HTR2B: variants seen among roughly 807,000 people sequenced by gnomAD.
HTR2B encodes the protein 5-hydroxytryptamine receptor 2B.
HTR2B carries 31 observed loss-of-function variants against 39.8 expected under a neutral mutation model. That is an observed-to-expected ratio of 0.78 (90% confidence interval 0.58 to 1.05). The LOEUF is 1.05. Ranked by LOEUF, HTR2B falls within the 50% of genes least tolerant of loss-of-function variation. The probability of loss-of-function intolerance (pLI) is 0.00; values close to 1 mark genes in which losing one functional copy is unlikely to be tolerated. For synonymous variants in HTR2B, 210 were observed against 207.1 expected (o/e 1.01, Z -0.12); for missense variants, 562 against 578.0 (o/e 0.97, Z 0.28).
In HTR2B at chr2:231,108,752, G is replaced by T; in HGVS notation, c.1211C>A (p.Ser404Ter). The change falls in exon 4 of 4, where the codon TCA becomes TAA. Residue 404 changes from serine to a stop codon, truncating the protein, a stop_gained. Transcript: ENST00000258400. LOFTEE classifies it high-confidence loss of function. The part of the protein sequence containing the change: ...YITCNYRATK[S>*]VKTLRKRSSK... ...GGAGCGTTTTCTGAGAGTTTTTACT[G>T]ACTTTGTGGCCCGGTAATTGCAGGT... 6.2e-7 allele frequency: 1 copy of T among 1,614,102 alleles called. No homozygotes were observed. The highest frequency in any genetic ancestry group is 1.1e-5 in the South Asian group (1 of 91,060).
Position 231,123,477 on chromosome 2 carries a change from C to T in HTR2B, c.288G>A (p.Leu96=). ...QYATNYFLMS[L]AVADLLVGLF... is the part of the protein sequence containing the mutation. Reference sequence around the variant, plus strand: ...ATCCAACCAGCAAATCAGCCACCGCCAAGGACATTAGAAAGTAATTAGTAG... The same window carrying T: ...ATCCAACCAGCAAATCAGCCACCGCTAAGGACATTAGAAAGTAATTAGTAG... The change falls in exon 2 of 4, where the codon TTG becomes TTA. Residue 96 remains leucine, a synonymous_variant. Coordinates refer to ENST00000258400, the MANE Select transcript of HTR2B (RefSeq NM_000867.5). 1 of 1,614,048 alleles carries T rather than the reference C, an allele frequency of 6.2e-7. No individual in the cohort carries two copies. The highest frequency in any genetic ancestry group is 8.5e-7 in the Non-Finnish European group (1 of 1,179,942).
At chr2:231,113,033 G>A (rs1331295236) in intron 3 of HTR2B, among the ~76,000 whole-genome samples, 2 of 152,018 alleles carry the variant, frequency 1.3e-5, no homozygotes, top group Non-Finnish European at 2.9e-5. Flanking sequence ...GGCATGGGGG[G>A]TGTGTCTGTA....
intron 2 of HTR2B, among the ~76,000 whole-genome samples, chr2:231,117,701 A>G (rs184817953): frequency 6.6e-6 from 1 of 152,294 alleles, no homozygotes; most frequent in African/African-American, 2.4e-5. Flanking sequence ...ACAAGGTTCA[A>G]CAACTTCATA....
At chr2:231,116,478 C>G (rs1695338508) in intron 2 of HTR2B, among the ~76,000 whole-genome samples, 1 of 151,660 alleles carries the variant, frequency 6.6e-6, no homozygotes, top group Non-Finnish European at 1.5e-5. Flanking sequence ...GTCTATTTAG[C>G]TATTCTAGTT....
intron 2 of HTR2B, 87 bp from the exon 3 acceptor site, chr2:231,114,016 CTTTT>C: frequency 9.5e-7 from 1 of 1,047,876 alleles, no homozygotes; most frequent in South Asian, 1.3e-5. Context: ...CATCTTTTGT[CTTTT>C]TTGTTACTCA....
intron 2 of HTR2B, among the ~76,000 whole-genome samples, chr2:231,114,705 C>T (rs1321175177): frequency 6.6e-6 from 1 of 152,096 alleles, no homozygotes; most frequent in East Asian, 1.9e-4. Flanking sequence ...GTCTTAAGCA[C>T]TTTAGAAATA....
At chr2:231,121,105 G>T (rs558570816) in intron 2 of HTR2B, among the ~76,000 whole-genome samples, 1 of 152,140 alleles carries the variant, frequency 6.6e-6, no homozygotes, top group African/African-American at 2.4e-5. Flanking sequence ...TTTAAATAAT[G>T]CAATAATGTA....
At chr2:231,121,136 T>C (rs1695526566) in intron 2 of HTR2B, among the ~76,000 whole-genome samples, 1 of 152,208 alleles carries the variant, frequency 6.6e-6, no homozygotes, top group Non-Finnish European at 1.5e-5. Flanking sequence ...GTTCACAGAT[T>C]TGTTCATTTT....
rs1338595396 is a variant in HTR2B, at chr2:231,123,485, T to A, written c.280A>T (p.Met94Leu). 1 of 1,614,036 alleles carries A rather than the reference T, an allele frequency of 6.2e-7. No homozygotes were observed. Among genetic ancestry groups the A allele is most frequent in the Non-Finnish European group, 8.5e-7 (1 of 1,179,916 alleles). Residue 94 changes from methionine (M) to leucine (L), a missense_variant, in exon 2 of 4, where the codon ATG becomes TTG. Coordinates refer to ENST00000258400, the MANE Select transcript of HTR2B (RefSeq NM_000867.5). ...KLQYATNYFL[M>L]SLAVADLLVG... ...AGCAAATCAGCCACCGCCAAGGACATTAGAAAGTAATTAGTAGCATACTGC... is the reference window on the plus strand; with the variant it reads ...AGCAAATCAGCCACCGCCAAGGACAATAGAAAGTAATTAGTAGCATACTGC...
At chr2:231,120,860 A>G (rs996389509) in intron 2 of HTR2B, among the ~76,000 whole-genome samples, 1 of 152,254 alleles carries the variant, frequency 6.6e-6, no homozygotes, top group African/African-American at 2.4e-5. Context: ...CTACAATAAG[A>G]GTGTAAAGTC....
chr2:231,110,362 A>ATATTTC (rs2125207375), intron 3 of HTR2B, among the ~76,000 whole-genome samples: 1 of 152,148 alleles, frequency 6.6e-6, no homozygotes, highest in Non-Finnish European at 1.5e-5. Flanking sequence ...AATATACCTC[A>ATATTTC]TGTTAGTTTT....
At chr2:231,119,811 A>T (rs1354197080) in intron 2 of HTR2B, among the ~76,000 whole-genome samples, 1 of 142,674 alleles carries the variant, frequency 7.0e-6, no homozygotes, top group African/African-American at 2.6e-5. Context: ...TGGAGGTTGC[A>T]GTGAACTGAG....
At chr2:231,109,857 A>C (rs1217222257) in intron 3 of HTR2B, among the ~76,000 whole-genome samples, 1 of 152,154 alleles carries the variant, frequency 6.6e-6, no homozygotes, top group East Asian at 1.9e-4. Context: ...TTTGTCTTTG[A>C]GGTTACAGTT....
At chr2:231,112,233 C>T (rs1261519240) in intron 3 of HTR2B, among the ~76,000 whole-genome samples, 2 of 152,154 alleles carry the variant, frequency 1.3e-5, no homozygotes, top group African/African-American at 2.4e-5. Context: ...GCATAAATGA[C>T]TTTATTATAG....
chr2:231,109,503 T>C (rs1695084246), intron 3 of HTR2B, 94 bp from the exon 4 acceptor site: 1 of 1,078,276 alleles, frequency 9.3e-7, no homozygotes, highest in Non-Finnish European at 1.4e-6. Flanking sequence ...AACTTTATGC[T>C]TGTTGGTGCA....
intron 3 of HTR2B, among the ~76,000 whole-genome samples, chr2:231,109,622 G>A (rs965812286): frequency 1.3e-5 from 2 of 152,312 alleles, no homozygotes; most frequent in Admixed American, 1.3e-4. Context: ...AGATTGGTTA[G>A]TAATTTCAGA....
Position 231,109,359 on chromosome 2 carries a change from GGTT to G in HTR2B, c.601_603del (p.Asn201del), listed in dbSNP as rs749969953. 18 of 1,614,062 alleles carry G rather than the reference GGTT, an allele frequency of 1.1e-5. No individual in the cohort carries two copies. In the South Asian group the frequency reaches 1.2e-4, roughly 11 times the overall value. On this transcript the variant is annotated inframe_deletion, in exon 4 of 4. Transcript: ENST00000258400. The stretch of plus-strand genomic sequence containing the variant: ...GTCAGCACACAAGTGATATTGTTTG[GGTT>G]GTCCACATCAGTCTCTATCCCTTTA...
At position 231,123,690 on chromosome 2, in the gene HTR2B, G is replaced by A. The variant is rs752517264; in HGVS notation, c.75C>T (p.His25=). The change falls in exon 2 of 4, where the codon CAC becomes CAT. Residue 25 remains histidine (H), a synonymous_variant. Coordinates refer to ENST00000258400, the MANE Select transcript of HTR2B (RefSeq NM_000867.5). ...PEHILQSTFV[H]VISSNWSGLQ... ...ATCCAGACCAGTTAGAAGAGATAAC[G>A]TGAACAAAGGTGCTCTGCAAAATGT... 17 of 1,613,890 alleles carry A rather than the reference G, an allele frequency of 1.1e-5. No individual in the cohort carries two copies. The highest frequency in any genetic ancestry group is 2.7e-5 in the African/African-American group (2 of 74,900).
chr2:231,114,568 C>T (rs1228529171), intron 2 of HTR2B, among the ~76,000 whole-genome samples: 1 of 152,184 alleles, frequency 6.6e-6, no homozygotes, highest in Non-Finnish European at 1.5e-5. Flanking sequence ...TATATTTCAT[C>T]ATTCACTCCA....
Sources: allele counts gnomAD v4.1 joint callset (sites outside exome capture counted in the v4.1 genomes callset), GRCh38; gene constraint gnomAD v4.1.1; transcripts MANE v1.5; gene names NCBI Gene and HGNC (gene_info 2026-07-23, HGNC 2026-07-21).